Variants in MGA observed in about 807,000 individuals in gnomAD.
MGA encodes the protein MAX gene-associated protein.
A neutral mutation model predicts 261.1 loss-of-function variants in MGA; 40 were observed. The observed-to-expected ratio is 0.15, with a 90% CI of 0.12 to 0.20. The LOEUF (loss-of-function observed/expected upper bound fraction) is 0.20, where lower values mean the gene tolerates loss of function less well. MGA is among the 10% of genes least tolerant of loss of function. MGA has a pLI of 1.00. For synonymous variants in MGA, 1,302 were observed against 1,290.6 expected (o/e 1.01, Z -0.19); for missense variants, 3,397 against 3,630.5 (o/e 0.94, Z 1.65).
chr15:41,759,363 A>T (rs1170681131), intron 19 of MGA, among the ~76,000 whole-genome samples: 1 of 152,140 alleles, frequency 6.6e-6, no homozygotes, highest in African/African-American at 2.4e-5. Context: ...TGCTAAAAGA[A>T]TTAAAAAGTG....
At chr15:41,714,067 A>C (rs994492158) in intron 9 of MGA, among the ~76,000 whole-genome samples, 10 of 152,082 alleles carry the variant, frequency 6.6e-5, no homozygotes, top group East Asian at 3.9e-4. Flanking sequence ...CGTTTCTGTT[A>C]TATCTTTGTA....
At chr15:41,693,982 AAGAAAATATTTCTTAGAT>A (rs1357937702) in intron 2 of MGA, among the ~76,000 whole-genome samples, 4 of 152,158 alleles carry the variant, frequency 2.6e-5, no homozygotes, top group African/African-American at 9.7e-5. Flanking sequence ...CAAGAAATCT[AAGAAAATATTTCTTAGAT>A]TTTAAGAAAT....
chr15:41,765,657 T>C (rs532462290), intron 23 of MGA, among the ~76,000 whole-genome samples: 41 of 152,364 alleles, frequency 2.7e-4, no homozygotes, highest in Middle Eastern at 3.4e-3. Context: ...ATGCTGCCTT[T>C]AGGGCTTCAT....
At chr15:41,636,062 G>A (rs1477653374) in intron 1 of MGA, among the ~76,000 whole-genome samples, 2 of 151,900 alleles carry the variant, frequency 1.3e-5, no homozygotes, top group African/African-American at 4.8e-5. Flanking sequence ...TTCATAATAA[G>A]CTGTGTTACT....
chr15:41,711,732 G>T (rs2060396295), intron 8 of MGA, among the ~76,000 whole-genome samples: 1 of 152,118 alleles, frequency 6.6e-6, no homozygotes, highest in African/African-American at 2.4e-5. Context: ...GTCTCGCTCT[G>T]TTGCCCAGGC....
intron 9 of MGA, among the ~76,000 whole-genome samples, chr15:41,723,648 C>G (rs2061074505): frequency 6.6e-6 from 1 of 152,122 alleles, no homozygotes; most frequent in African/African-American, 2.4e-5. Context: ...GGCTCCTGGC[C>G]TCAAGAGATC....
At chr15:41,690,674 G>GT (rs1210066441) in intron 2 of MGA, among the ~76,000 whole-genome samples, 1 of 152,046 alleles carries the variant, frequency 6.6e-6, no homozygotes, top group Non-Finnish European at 1.5e-5. Flanking sequence ...GGTCAACATG[G>GT]TGAAACCCTG....
chr15:41,668,977 T>C lies in MGA; in HGVS notation c.83T>C (p.Leu28Ser). 1.2e-6 allele frequency: 2 copies of C among 1,613,382 alleles called. No homozygotes were observed. Among genetic ancestry groups the C allele is most frequent in the South Asian group, 2.2e-5 (2 of 91,044 alleles). Residue 28 changes from leucine to serine, a missense_variant, in exon 2 of 24, where the codon TTA becomes TCA. By Grantham distance (145) the Leu-to-Ser change is moderately radical. Coordinates refer to ENST00000219905, the MANE Select transcript of MGA (RefSeq NM_001164273.2). ...GCAGCACCTACCTTCTTTGTCATCT[T>C]AAAGCAGCCAGGAAATGGCAAAACT...
In MGA at chr15:41,764,915, A is replaced by G; in HGVS notation, c.7774A>G (p.Thr2592Ala). 6.2e-7 allele frequency: 1 copy of G among 1,613,814 alleles called. No homozygotes were observed. The highest frequency in any genetic ancestry group is 8.5e-7 in the Non-Finnish European group (1 of 1,179,844). ...TACCTCACCCTTGAACACTCCACACACCTCTGCCAACCTTGTGATGACTCC... is the reference window on the plus strand; with the variant it reads ...TACCTCACCCTTGAACACTCCACACGCCTCTGCCAACCTTGTGATGACTCC... The change falls in exon 23 of 24, where the codon ACC (threonine) becomes GCC (alanine). Residue 2592 changes from threonine to alanine, a missense_variant. Thr to Ala is a moderately conservative substitution (Grantham distance 58). Coordinates refer to ENST00000219905, the MANE Select transcript of MGA (RefSeq NM_001164273.2).
Position 41,740,149 on chromosome 15 carries a change from A to G in MGA, c.4531A>G (p.Thr1511Ala). The change falls in exon 14 of 24, where the codon ACA becomes GCA. Residue 1511 changes from threonine to alanine, a missense_variant. Transcript: ENST00000219905. ...AATGGCATCCTCCTCTGGCACTGCA[A>G]CAAATCGCCCTGGGAAGAATCTGAA... is the stretch of plus-strand genomic sequence containing the variant. 2.5e-6 allele frequency: 4 copies of G among 1,614,024 alleles called. No homozygotes were observed. Among genetic ancestry groups the G allele is most frequent in the South Asian group, 1.1e-5 (1 of 91,088 alleles).
rs146654109 is a variant in MGA, at chr15:41,720,403, A to G, written c.3431-6777A>G. Reference sequence around the variant, plus strand: ...AATAAAAAAAATTTTGGCTGATGGCATGGTGGCTCAGGCCTGTTGTCCCAG... The same window carrying G: ...AATAAAAAAAATTTTGGCTGATGGCGTGGTGGCTCAGGCCTGTTGTCCCAG... On this transcript the variant is annotated intron_variant, in intron 9 of 23. Coordinates refer to ENST00000219905, the MANE Select transcript of MGA (RefSeq NM_001164273.2). Among the ~76,000 whole-genome samples the G allele has an allele frequency of 1.8e-3, 271 of 152,216 alleles. 1 individual carries two copies. Among genetic ancestry groups the G allele is most frequent in the African/African-American group, 5.9e-3 (247 of 41,536 alleles).
rs541446105 is a variant in MGA, at chr15:41,640,855, A to G, written c.-68+19557A>G. Among the ~76,000 whole-genome samples, 7 of 152,322 alleles carry G rather than the reference A, an allele frequency of 4.6e-5. No homozygotes were observed. In the East Asian group the frequency reaches 1.3e-3, roughly 29 times the overall value. On this transcript the variant is annotated intron_variant, in intron 1 of 8. Transcript: ENST00000566718. Reference sequence around the variant, plus strand: ...TAAAGTTTTGAGATAAAATTAATGTACTATAAAATTTACCCATTTAAAGTG... The same window carrying G: ...TAAAGTTTTGAGATAAAATTAATGTGCTATAAAATTTACCCATTTAAAGTG...
chr15:41,696,972 G>A lies in MGA; in HGVS notation c.1962G>A (p.Lys654=), dbSNP rs751015836. Residue 654 remains lysine, a synonymous_variant, in exon 3 of 24, where the codon AAG becomes AAA. Transcript: ENST00000219905. ...CTGGGAGTACCTTTCCAGATGTGAAGCCTGATCTGGAAGATGTGGATGGTG... is the reference window on the plus strand; with the variant it reads ...CTGGGAGTACCTTTCCAGATGTGAAACCTGATCTGGAAGATGTGGATGGTG... 6.3e-6 allele frequency: 10 copies of A among 1,597,332 alleles called. No individual in the cohort carries two copies. In the South Asian group the frequency reaches 1.0e-4, roughly 16 times the overall value.
chr15:41,705,456 G>T (rs890144263), intron 5 of MGA, among the ~76,000 whole-genome samples: 3 of 151,930 alleles, frequency 2.0e-5, no homozygotes, highest in African/African-American at 7.3e-5. Context: ...CAACCTCCTG[G>T]GCTCAAGCAG....
intron 1 of MGA, among the ~76,000 whole-genome samples, chr15:41,637,460 C>T (rs1041269075): frequency 2.0e-5 from 3 of 152,006 alleles, no homozygotes; most frequent in Non-Finnish European, 4.4e-5. Flanking sequence ...ATAAAGTTAG[C>T]GTCAAAGGCA....
At chr15:41,644,068 A>T (rs983272793) in intron 1 of MGA, among the ~76,000 whole-genome samples, 1 of 152,116 alleles carries the variant, frequency 6.6e-6, no homozygotes, top group Non-Finnish European at 1.5e-5. Flanking sequence ...AACCAACATA[A>T]TTCTTTTGTA....
rs1405132689 is a variant in MGA at position 41,663,656 on chromosome 15, A to C, written c.-68+3131A>C. On this transcript the variant is annotated intron_variant, in intron 1 of 23. Coordinates refer to ENST00000219905, the MANE Select transcript of MGA (RefSeq NM_001164273.2). ...GGCTAATTTTTTGTATTTTTTGTAG[A>C]GAGAGGGTTTTGTCATGTTGGCCAG... is the stretch of plus-strand genomic sequence containing the variant. Among the ~76,000 whole-genome samples the C allele has an allele frequency of 2.6e-5, 4 of 152,078 alleles. 1 individual carries two copies. In the East Asian group the frequency reaches 7.7e-4, roughly 29 times the overall value.
At chr15:41,716,009 C>T (rs2060616470) in intron 9 of MGA, among the ~76,000 whole-genome samples, 1 of 152,118 alleles carries the variant, frequency 6.6e-6, no homozygotes, top group African/African-American at 2.4e-5. Context: ...ATCCTGTGCC[C>T]TATCCTTGAC....
intron 15 of MGA, among the ~76,000 whole-genome samples, chr15:41,748,305 C>T (rs1046579917): frequency 6.6e-6 from 1 of 152,010 alleles, no homozygotes; most frequent in African/African-American, 2.4e-5. Flanking sequence ...GTAATCTCAG[C>T]ACTTTGGGAG....
Sources: allele counts gnomAD v4.1 joint callset (sites outside exome capture counted in the v4.1 genomes callset), GRCh38; gene constraint gnomAD v4.1.1; transcripts MANE v1.5; gene names NCBI Gene and HGNC (gene_info 2026-07-23, HGNC 2026-07-21).